Variants in PDCD6IP observed in about 807,000 individuals in gnomAD.
The protein encoded by PDCD6IP is programmed cell death 6-interacting protein.
A neutral mutation model predicts 103.7 loss-of-function variants in PDCD6IP; 43 were observed. The observed-to-expected ratio is 0.41, with a 90% CI of 0.32 to 0.53. The LOEUF is 0.53. Among genes scored for constraint, PDCD6IP ranks in the 20% least tolerant of loss-of-function variants. The probability of loss-of-function intolerance (pLI) is 0.16; values close to 1 mark genes in which losing one functional copy is unlikely to be tolerated. For synonymous variants in PDCD6IP, 354 were observed against 378.7 expected (o/e 0.93, Z 0.76); for missense variants, 871 against 1,036.7 (o/e 0.84, Z 2.20).
intron 1 of PDCD6IP, among the ~76,000 whole-genome samples, chr3:33,802,460 T>C (rs543680074): frequency 5.5e-4 from 83 of 152,234 alleles, no homozygotes; most frequent in African/African-American, 2.0e-3. Context: ...ACCTTAGTTA[T>C]ATTTGATATC....
intron 6 of PDCD6IP, chr3:33,827,290 C>G (rs1697148493): frequency 2.5e-6 from 2 of 805,682 alleles, no homozygotes; most frequent in African/African-American, 3.7e-5. Context: ...CAACTACTTC[C>G]TTCAGAAATG....
intron 9 of PDCD6IP, among the ~76,000 whole-genome samples, chr3:33,839,183 TA>T (rs1202755502): frequency 6.6e-6 from 1 of 152,176 alleles, no homozygotes; most frequent in Non-Finnish European, 1.5e-5. Flanking sequence ...ACTGTTACCC[TA>T]AAAAAATTCT....
chr3:33,825,418 A>G, intron 5 of PDCD6IP, 78 bp downstream of exon 5: 5 of 1,240,122 alleles, frequency 4.0e-6, no homozygotes, highest in Non-Finnish European at 5.6e-6. Context: ...TTAGAATATA[A>G]TATGTTCAAT....
intron 1 of PDCD6IP, among the ~76,000 whole-genome samples, chr3:33,800,548 C>T (rs940495071): frequency 6.6e-6 from 1 of 152,068 alleles, no homozygotes; most frequent in Non-Finnish European, 1.5e-5. Context: ...GAATTAAGAC[C>T]CCTTGGTGTC....
At chr3:33,846,614 A>G (rs530622355) in intron 12 of PDCD6IP, among the ~76,000 whole-genome samples, 1 of 152,200 alleles carries the variant, frequency 6.6e-6, no homozygotes, top group Non-Finnish European at 1.5e-5. Flanking sequence ...TTGGCACATT[A>G]TGAGAACAGA....
At position 33,844,177 on chromosome 3, in the gene PDCD6IP, T is replaced by C. The variant is rs781036698; in HGVS notation, c.1425T>C (p.Arg475=). The change falls in exon 11 of 18, where the codon CGT becomes CGC. Residue 475 remains arginine (R), a synonymous_variant. Coordinates refer to ENST00000307296, the MANE Select transcript of PDCD6IP (RefSeq NM_013374.6). ...DNDLRAKFKE[R]WQRTPSNELY... ...ATTTAAGAGCAAAATTTAAGGAACG[T>C]TGGCAAAGGACACCATCCAATGAAC... is the stretch of plus-strand genomic sequence containing the variant. The C allele has an allele frequency of 8.7e-6, 14 of 1,606,510 alleles. No homozygotes were observed. In the South Asian group the frequency reaches 1.3e-4, roughly 15 times the overall value.
intron 3 of PDCD6IP, among the ~76,000 whole-genome samples, chr3:33,815,396 C>T (rs11129562): frequency 0.22 from 33,339 of 151,986 alleles, 3,985 homozygotes; most frequent in East Asian, 0.39. Flanking sequence ...AATAGTCTTA[C>T]TGAATTCTCC....
At chr3:33,857,219 C>T (rs988377679) in intron 15 of PDCD6IP, among the ~76,000 whole-genome samples, 36 of 152,006 alleles carry the variant, frequency 2.4e-4, no homozygotes, top group Admixed American at 2.0e-3. Flanking sequence ...TTTGCTCTGT[C>T]GCCCAGGCTG....
intron 15 of PDCD6IP, among the ~76,000 whole-genome samples, chr3:33,861,262 G>C (rs1697946772): frequency 6.6e-6 from 1 of 151,824 alleles, no homozygotes; most frequent in South Asian, 2.1e-4. Flanking sequence ...CTCTGCCTCA[G>C]CCTCCCGAGT....
chr3:33,817,545 G>A (rs921236989), intron 3 of PDCD6IP, among the ~76,000 whole-genome samples: 1 of 152,092 alleles, frequency 6.6e-6, no homozygotes, highest in Non-Finnish European at 1.5e-5. Context: ...CTTGAGCCCA[G>A]GAGTACAAGA....
At chr3:33,831,663 C>G (rs1406058609) in intron 7 of PDCD6IP, among the ~76,000 whole-genome samples, 3 of 151,964 alleles carry the variant, frequency 2.0e-5, no homozygotes, top group African/African-American at 7.3e-5. Flanking sequence ...TCCCTCTATC[C>G]TGTTCCCTCC....
rs771923814 is a variant in PDCD6IP, at chr3:33,863,990, CTCTG to C, written c.2121-12_2121-9del. 1 of 1,574,454 alleles carries C rather than the reference CTCTG, an allele frequency of 6.4e-7. No individual in the cohort carries two copies. Among genetic ancestry groups the C allele is most frequent in the East Asian group, 2.2e-5 (1 of 44,644 alleles). On this transcript the variant is annotated splice_polypyrimidine_tract_variant and intron_variant, in intron 15 of 17. Transcript: ENST00000307296. ...TTTTCTATCATGTTAATTTTTAACA[CTCTG>C]TCTTTGATAAGGGACTTGCAACAAA...
intron 7 of PDCD6IP, chr3:33,835,430 A>G: frequency 2.4e-6 from 1 of 412,122 alleles, no homozygotes; most frequent in Non-Finnish European, 4.9e-6. Context: ...ATAACCCAAC[A>G]GCCAGACAGG....
chr3:33,798,854 G>A lies in PDCD6IP; in HGVS notation c.126G>A (p.Ala42=). 6.4e-7 allele frequency: 1 copy of A among 1,553,536 alleles called. No individual in the cohort carries two copies. Among genetic ancestry groups the A allele is most frequent in the Non-Finnish European group, 8.7e-7 (1 of 1,148,322 alleles). The change falls in exon 1 of 18, where the codon GCG becomes GCA. Residue 42 remains alanine, a synonymous_variant. Coordinates refer to ENST00000307296, the MANE Select transcript of PDCD6IP (RefSeq NM_013374.6). Reference sequence around the variant, plus strand: ...AAGAGCAGGCCCAGTACTGCCGCGCGGCGGAGGAGCTCAGCAAGCTGCGCC... The same window carrying A: ...AAGAGCAGGCCCAGTACTGCCGCGCAGCGGAGGAGCTCAGCAAGCTGCGCC... The part of the protein sequence containing the change: ...GGEEQAQYCR[A]AEELSKLRRA...
intron 8 of PDCD6IP, 60 bp downstream of exon 8, chr3:33,836,326 C>CTAG: frequency 1.0e-6 from 1 of 966,470 alleles, no homozygotes; most frequent in Admixed American, 2.1e-5. Flanking sequence ...TCTGTTTTTC[C>CTAG]TAGCTAAAAA....
chr3:33,859,543 G>A lies in PDCD6IP; in HGVS notation c.2120+4283G>A, dbSNP rs187489998. On this transcript the variant is annotated intron_variant, in intron 15 of 17. Coordinates refer to ENST00000307296, the MANE Select transcript of PDCD6IP (RefSeq NM_013374.6). ...GAGGAGAAGACGCAAACAGAATTTT[G>A]CAGACAAGGAAATACAAATGGCTCT... is the stretch of plus-strand genomic sequence containing the variant. 1.7e-4 allele frequency among the ~76,000 whole-genome samples: 26 copies of A among 152,130 alleles called. No homozygotes were observed. The East Asian group carries it at 4.0e-3, about 24-fold the overall frequency.
At chr3:33,855,571 G>A (rs1313581585) in intron 15 of PDCD6IP, among the ~76,000 whole-genome samples, 1 of 152,170 alleles carries the variant, frequency 6.6e-6, no homozygotes, top group African/African-American at 2.4e-5. Context: ...TGGCAAATAG[G>A]TTCCTTACAT....
chr3:33,835,907 C>T, intron 7 of PDCD6IP, 137 bp from the exon 8 acceptor site: 1 of 603,542 alleles, frequency 1.7e-6, no homozygotes, highest in Non-Finnish European at 2.9e-6. Flanking sequence ...GTAACCCTGT[C>T]AGCCACATTG....
chr3:33,852,475 CT>C lies in PDCD6IP; in HGVS notation c.1642-7del. 1 of 792,912 alleles carries C rather than the reference CT, an allele frequency of 1.3e-6. No individual in the cohort carries two copies. The allele number at this position is 792,912 out of a possible 1,614,324, so 49.1% of individuals were successfully genotyped here. ...TTTTTTTGCAGTTAAACTAAGGTGT[CT>C]TTTTTGTTTAGGTTGTAAATGTCTT... On this transcript the variant is annotated splice_polypyrimidine_tract_variant and intron_variant, in intron 12 of 17. Coordinates refer to ENST00000307296, the MANE Select transcript of PDCD6IP (RefSeq NM_013374.6).
Sources: allele counts gnomAD v4.1 joint callset (sites outside exome capture counted in the v4.1 genomes callset), GRCh38; gene constraint gnomAD v4.1.1; transcripts MANE v1.5; gene names NCBI Gene and HGNC (gene_info 2026-07-23, HGNC 2026-07-21).